UGT2B7: variants seen among roughly 807,000 people sequenced by gnomAD.
UGT2B7 encodes UDP glucuronosyltransferase family 2 member B7, also known as UDP-glucuronosyltransferase 2B7.
A neutral mutation model predicts 51.9 loss-of-function variants in UGT2B7; 51 were observed. The ratio of observed to expected loss-of-function variants is 0.98; its 90% CI spans 0.78 to 1.24. The LOEUF (loss-of-function observed/expected upper bound fraction) is 1.24. UGT2B7 is among the 50% of genes most tolerant of loss of function. The pLI, the probability that UGT2B7 is intolerant of heterozygous loss-of-function variation, is 0.00. For missense variants in UGT2B7, 727 were observed against 628.4 expected, an observed-to-expected ratio of 1.16 and a Z score of -1.68; for synonymous variants, 225 against 211.6, an observed-to-expected ratio of 1.06 and a Z score of -0.55.
At chr4:69,074,672 C>T (rs1487237745) in intron 1 of UGT2B7, among the ~76,000 whole-genome samples, 3 of 151,960 alleles carry the variant, frequency 2.0e-5, no homozygotes, top group Non-Finnish European at 4.4e-5. Flanking sequence ...CAGTTACACA[C>T]ACATTTTATT....
intron 3 of UGT2B7, among the ~76,000 whole-genome samples, chr4:69,103,174 G>C (rs1033252838): frequency 6.6e-6 from 1 of 152,002 alleles, no homozygotes; most frequent in African/African-American, 2.4e-5. Context: ...AAATTGAATG[G>C]AGAAAGGTAT....
chr4:69,076,826 C>T (rs146146920), intron 1 of UGT2B7, among the ~76,000 whole-genome samples: 22,268 of 152,090 alleles, frequency 0.15, 1,945 homozygotes, highest in Admixed American at 0.27. Context: ...GTTGCCATTG[C>T]TTTTGGTGTT....
chr4:69,060,395 T>A (rs1402036627), intron 1 of UGT2B7, among the ~76,000 whole-genome samples: 1 of 152,124 alleles, frequency 6.6e-6, no homozygotes, highest in Non-Finnish European at 1.5e-5. Context: ...GATCCCAAAT[T>A]TCTCGCTCAT....
upstream of UGT2B7, among the ~76,000 whole-genome samples, chr4:69,093,641 T>G (rs1038481613): frequency 2.6e-5 from 4 of 152,160 alleles, no homozygotes; most frequent in Non-Finnish European, 4.4e-5. Flanking sequence ...CACATACCTT[T>G]GTGTGTCAGA....
chr4:69,092,020 G>A (rs1489402530), upstream of UGT2B7, among the ~76,000 whole-genome samples: 1 of 152,024 alleles, frequency 6.6e-6, no homozygotes, highest in African/African-American at 2.4e-5. Flanking sequence ...CTTCAGCCTC[G>A]AACTCTCAGG....
intron 1 of UGT2B7, among the ~76,000 whole-genome samples, chr4:69,071,161 G>A (rs1718591667): frequency 6.6e-6 from 1 of 151,940 alleles, no homozygotes; most frequent in Non-Finnish European, 1.5e-5. Flanking sequence ...TATAGATATG[G>A]TCCAGCAAGT....
chr4:69,089,541 CA>C (rs1314691278), exon 2 of UGT2B7: 1 of 152,338 alleles, frequency 6.6e-6, no homozygotes, highest in African/African-American at 2.4e-5. Context: ...GCCAGTTGTG[CA>C]AAACCTTATA....
intron 1 of UGT2B7, among the ~76,000 whole-genome samples, chr4:69,088,088 T>C (rs531155283): frequency 6.6e-6 from 1 of 152,154 alleles, no homozygotes; most frequent in East Asian, 1.9e-4. Context: ...TTAATAATGT[T>C]TGATACTTTC....
chr4:69,078,283 G>A (rs145185925), intron 1 of UGT2B7, among the ~76,000 whole-genome samples: 1 of 152,212 alleles, frequency 6.6e-6, no homozygotes, highest in South Asian at 2.1e-4. Flanking sequence ...GTTCTGCCAG[G>A]TTTTGGTATC....
At position 69,112,795 on chromosome 4, in the gene UGT2B7, A is replaced by G. The variant is rs1201422340; in HGVS notation, c.*59A>G. On this transcript the variant is annotated 3_prime_UTR_variant, in exon 6 of 6. Transcript: ENST00000305231. Reference sequence around the variant, plus strand: ...AGGTGAGACTACTTCAGTTTATTCCAGCAAGAAAGATTGTGATGCAAGATT... The same window carrying G: ...AGGTGAGACTACTTCAGTTTATTCCGGCAAGAAAGATTGTGATGCAAGATT... 2.0e-6 allele frequency: 3 copies of G among 1,521,966 alleles called. No individual in the cohort carries two copies. The highest frequency in any genetic ancestry group is 2.6e-6 in the Non-Finnish European group (3 of 1,135,250). 94.3% of individuals were successfully genotyped at this position (1,521,966 alleles called of 1,614,324 possible).
At chr4:69,084,131 A>T (rs1335359530) in intron 1 of UGT2B7, among the ~76,000 whole-genome samples, 1 of 152,098 alleles carries the variant, frequency 6.6e-6, no homozygotes, top group African/African-American at 2.4e-5. Flanking sequence ...TCTACTGATA[A>T]AATTATATGT....
intron 1 of UGT2B7, among the ~76,000 whole-genome samples, chr4:69,062,866 T>C (rs1384095359): frequency 6.6e-6 from 1 of 152,170 alleles, no homozygotes; most frequent in Non-Finnish European, 1.5e-5. Context: ...TTCTTTGTAT[T>C]ATTCATTATA....
upstream of UGT2B7, among the ~76,000 whole-genome samples, chr4:69,094,082 T>C: frequency 6.6e-6 from 1 of 150,934 alleles, no homozygotes; most frequent in East Asian, 1.9e-4. Context: ...AATACTAAAA[T>C]AAAGCAAATA....
intron 3 of UGT2B7, among the ~76,000 whole-genome samples, chr4:69,104,489 A>G (rs1487326563): frequency 3.3e-5 from 5 of 152,222 alleles, no homozygotes; most frequent in African/African-American, 1.2e-4. Context: ...AAAAAAAGAA[A>G]CTTCCTGCCT....
At chr4:69,056,226 C>T (rs564626164) in intron 1 of UGT2B7, among the ~76,000 whole-genome samples, 1 of 152,252 alleles carries the variant, frequency 6.6e-6, no homozygotes, top group Non-Finnish European at 1.5e-5. Flanking sequence ...AAAAATCATA[C>T]AATACTATGG....
chr4:69,099,085 AT>A (rs1158297768), intron 2 of UGT2B7, among the ~76,000 whole-genome samples: 1 of 152,014 alleles, frequency 6.6e-6, no homozygotes, highest in Non-Finnish European at 1.5e-5. Context: ...ACTTCAAAAG[AT>A]AGAATATGTG....
At chr4:69,063,334 A>G (rs1718400996) in intron 1 of UGT2B7, among the ~76,000 whole-genome samples, 2 of 150,642 alleles carry the variant, frequency 1.3e-5, no homozygotes, top group South Asian at 2.1e-4. Context: ...AAAAAAAAAA[A>G]AAAAAGAAAC....
chr4:69,074,897 A>G (rs1409047928), intron 1 of UGT2B7, among the ~76,000 whole-genome samples: 1 of 152,030 alleles, frequency 6.6e-6, no homozygotes, highest in Non-Finnish European at 1.5e-5. Flanking sequence ...TTTTTAATGC[A>G]TGTATATGTG....
intron 5 of UGT2B7, among the ~76,000 whole-genome samples, chr4:69,111,931 G>A (rs994743319): frequency 5.3e-5 from 8 of 152,086 alleles, no homozygotes; most frequent in Admixed American, 1.3e-4. Flanking sequence ...AAAGCCTTTC[G>A]TAAACTTGAT....
Sources: gnomAD v4.1 joint callset for allele counts (sites outside exome capture counted in the v4.1 genomes callset) on GRCh38, gnomAD v4.1.1 for gene constraint, MANE v1.5 for transcripts, NCBI Gene and HGNC (gene_info 2026-07-23, HGNC 2026-07-21) for gene names.